TIAM2: variants seen among roughly 807,000 people sequenced by gnomAD.
TIAM2 encodes rho guanine nucleotide exchange factor TIAM2.
TIAM2 carries 80 observed loss-of-function variants against 152.9 expected under a neutral mutation model. That is an observed-to-expected ratio of 0.52 (90% CI 0.44 to 0.63). TIAM2 has a LOEUF of 0.63. TIAM2 is among the 30% of genes least tolerant of loss of function. The probability of loss-of-function intolerance (pLI) is 0.00; values close to 1 mark genes in which losing one functional copy is unlikely to be tolerated. For missense variants in TIAM2, 1,965 were observed against 2,120.1 expected, an observed-to-expected ratio of 0.93 and a Z score of 1.44; for synonymous variants, 804 against 838.0, an observed-to-expected ratio of 0.96 and a Z score of 0.70.
chr6:155,044,828 G>GA (rs11450049), intron 1 of TIAM2, among the ~76,000 whole-genome samples: 23,717 of 145,180 alleles, frequency 0.16, 1,869 homozygotes, highest in East Asian at 0.23. Flanking sequence ...ACTCTGTCTC[G>GA]AAAAAAAAAA....
chr6:155,009,860 T>C (rs982516539), intron 1 of TIAM2, among the ~76,000 whole-genome samples: 8 of 152,000 alleles, frequency 5.3e-5, no homozygotes, highest in African/African-American at 1.9e-4. Flanking sequence ...TCTTTTTTTT[T>C]TCTCTTTTTC....
At chr6:155,015,878 A>T (rs1778566970) in intron 1 of TIAM2, among the ~76,000 whole-genome samples, 1 of 144,178 alleles carries the variant, frequency 6.9e-6, no homozygotes, top group African/African-American at 2.5e-5. Flanking sequence ...CGGGGGTTGC[A>T]GTGAGCCAAG....
In TIAM2 at chr6:155,025,561, C is replaced by T. The variant is rs146505113; in HGVS notation, c.-209+30069C>T. Among the ~76,000 whole-genome samples the T allele has an allele frequency of 3.9e-3, 590 of 151,932 alleles. 2 individuals are homozygous for T. The highest frequency in any genetic ancestry group is 0.013 in the African/African-American group (546 of 41,434). On this transcript the variant is annotated intron_variant, in intron 1 of 26. Coordinates refer to ENST00000682666, the MANE Select transcript of TIAM2 (RefSeq NM_012454.4). ...CTTGAACCCCTGACCTTAAGTGATC[C>T]GCCCACCTCAGCCTCCTAAAGTGCT...
intron 14 of TIAM2, among the ~76,000 whole-genome samples, chr6:155,199,927 A>C (rs1781439046): frequency 6.6e-6 from 1 of 152,222 alleles, no homozygotes. Context: ...CAGCTGGGTA[A>C]ATCAAGGTAT....
intron 2 of TIAM2, among the ~76,000 whole-genome samples, chr6:155,125,838 C>CA (rs1393201090): frequency 1.4e-5 from 2 of 146,764 alleles, no homozygotes; most frequent in Non-Finnish European, 3.0e-5. Flanking sequence ...ACTCTGTCTC[C>CA]AAAAAAAGAG....
At chr6:155,208,915 C>T (rs1370727385) in intron 14 of TIAM2, among the ~76,000 whole-genome samples, 9 of 152,034 alleles carry the variant, frequency 5.9e-5, no homozygotes, top group South Asian at 2.1e-4. Context: ...TGATGGTGCC[C>T]GGCTCCTCCT....
chr6:155,126,872 G>A (rs1045317107), intron 2 of TIAM2, among the ~76,000 whole-genome samples: 3 of 149,632 alleles, frequency 2.0e-5, no homozygotes, highest in African/African-American at 7.4e-5. Context: ...TGCTTCCCGT[G>A]TCTGTGGCTT....
chr6:155,031,796 A>G (rs1217769095), intron 1 of TIAM2, among the ~76,000 whole-genome samples: 1 of 152,224 alleles, frequency 6.6e-6, no homozygotes, highest in African/African-American at 2.4e-5. Context: ...ATACTTCCAT[A>G]TGATGGGCTT....
In TIAM2 at chr6:155,131,264, G is replaced by A. The variant is rs111967992; in HGVS notation, c.1194+847G>A. Among the ~76,000 whole-genome samples the A allele has an allele frequency of 2.7e-3, 406 of 152,088 alleles. 5 individuals are homozygous for A. Among genetic ancestry groups the A allele is most frequent in the African/African-American group, 9.0e-3 (375 of 41,496 alleles). ...AATCCGAGCTACTCAGGAGGCTGAG[G>A]CAGGAGAATCGCTTGAACCTGGGAG... On this transcript the variant is annotated intron_variant, in intron 4 of 26. Transcript: ENST00000682666.
intron 2 of TIAM2, among the ~76,000 whole-genome samples, chr6:155,105,439 G>T (rs1013573882): frequency 1.3e-5 from 2 of 152,060 alleles, no homozygotes; most frequent in Non-Finnish European, 2.9e-5. Flanking sequence ...ATGAGCCATC[G>T]CCCCTGGCCC....
At chr6:155,059,554 G>C (rs184422536) in intron 1 of TIAM2, among the ~76,000 whole-genome samples, 1 of 152,176 alleles carries the variant, frequency 6.6e-6, no homozygotes, top group Admixed American at 6.5e-5. Flanking sequence ...GACCTCAGGT[G>C]ATCCACCCAG....
chr6:155,166,466 G>A (rs902321663), intron 9 of TIAM2, among the ~76,000 whole-genome samples: 1 of 151,988 alleles, frequency 6.6e-6, no homozygotes, highest in African/African-American at 2.4e-5. Flanking sequence ...TGGGACTATA[G>A]GTGCACACCA....
In TIAM2 at chr6:155,028,605, T is replaced by A. The variant is rs377665328; in HGVS notation, c.-209+33113T>A. 2.1e-4 allele frequency among the ~76,000 whole-genome samples: 22 copies of A among 105,538 alleles called. 1 individual carries two copies. Among genetic ancestry groups the A allele is most frequent in the East Asian group, 2.9e-4 (1 of 3,458 alleles). 69.2% of individuals were successfully genotyped at this position (105,538 alleles called of 152,430 possible). A position where few individuals can be genotyped will look rare whatever the true frequency, so the allele number is the denominator to read the frequency against. Reference sequence around the variant, plus strand: ...TACTACATATAATATATATACTGTGTTATATATACTACATATAATATATAT... The same window carrying A: ...TACTACATATAATATATATACTGTGATATATATACTACATATAATATATAT... On this transcript the variant is annotated intron_variant, in intron 1 of 26. Transcript: ENST00000682666.
intron 1 of TIAM2, among the ~76,000 whole-genome samples, chr6:155,087,163 G>T (rs1314871731): frequency 1.3e-5 from 2 of 152,278 alleles, no homozygotes; most frequent in East Asian, 3.9e-4. Flanking sequence ...GGTGTTCCCT[G>T]TAGAGAACAG....
intron 15 of TIAM2, chr6:155,217,218 GATGAGAAGAGATGC>G (rs1781881687): frequency 1.0e-6 from 1 of 953,226 alleles, no homozygotes; most frequent in Admixed American, 3.1e-5. Context: ...CTGATATGCA[GATGAGAAGAGATGC>G]CTTTCTCCCC....
chr6:155,030,972 G>C (rs73001079), intron 1 of TIAM2, among the ~76,000 whole-genome samples: 1 of 152,154 alleles, frequency 6.6e-6, no homozygotes, highest in Admixed American at 6.6e-5. Flanking sequence ...TTGAGAATGC[G>C]TTCATAGTTT....
rs1291291937 is a variant in TIAM2, at chr6:155,164,564, G to A, written c.2178G>A (p.Arg726=). Residue 726 remains arginine (R), a synonymous_variant, in exon 8 of 27, where the codon AGG becomes AGA. Coordinates refer to ENST00000682666, the MANE Select transcript of TIAM2 (RefSeq NM_012454.4). ...GCCCCTCCAAGCTGGCCCTCGGCAG[G>A]CTGGGCATCTTGTCTGTTTCCTCTT... ...ASRPSKLALG[R]LGILSVSSFH... 2 of 1,613,868 alleles carry A rather than the reference G, an allele frequency of 1.2e-6. No individual in the cohort carries two copies. Among genetic ancestry groups the A allele is most frequent in the South Asian group, 1.1e-5 (1 of 91,074 alleles).
chr6:155,129,510 C>T lies in TIAM2; in HGVS notation c.287C>T (p.Thr96Ile). 1.2e-6 allele frequency: 2 copies of T among 1,614,140 alleles called. No individual in the cohort carries two copies. The highest frequency in any genetic ancestry group is 1.1e-5 in the South Asian group (1 of 91,086). Reference protein sequence around the residue: ...SRGVAYSTHRTNAPGKDFQGI... With the variant: ...SRGVAYSTHRINAPGKDFQGI... ...GGTGTTGCCTACTCCACGCACAGGACAAATGCCCCAGGGAAGGATTTCCAG... is the reference window on the plus strand; with the variant it reads ...GGTGTTGCCTACTCCACGCACAGGATAAATGCCCCAGGGAAGGATTTCCAG... Residue 96 changes from threonine (T) to isoleucine (I), a missense_variant, in exon 4 of 27, where the codon ACA (threonine) becomes ATA (isoleucine). By Grantham distance (89) the Thr-to-Ile change is moderately conservative (BLOSUM62 -1). Around this residue, in one of 3 missense-constraint regions of TIAM2, gnomAD observed 1,025 missense variants for 1,119.4 expected, o/e 0.92. Coordinates refer to ENST00000682666, the MANE Select transcript of TIAM2 (RefSeq NM_012454.4). The surrounding 1 kb of genome is among the most constrained non-coding windows in gnomAD (Gnocchi z 4.8).
At chr6:155,123,300 C>G (rs1779216419) in intron 2 of TIAM2, among the ~76,000 whole-genome samples, 1 of 151,984 alleles carries the variant, frequency 6.6e-6, no homozygotes, top group South Asian at 2.1e-4. Context: ...TTGCTTTTCT[C>G]TATCTTAATT....
Sources: gnomAD v4.1 joint callset for allele counts (sites outside exome capture counted in the v4.1 genomes callset) on GRCh38, gnomAD v4.1.1 for gene constraint, gnomAD v4.1.1 regional missense constraint, Gnocchi (gnomAD v3.1) non-coding constraint, MANE v1.5 for transcripts, NCBI Gene and HGNC (gene_info 2026-07-23, HGNC 2026-07-21) for gene names.